Variants in AFF3 observed in about 807,000 individuals in gnomAD.
The protein encoded by AFF3 is ALF transcription elongation factor 3.
A neutral mutation model predicts 129.7 loss-of-function variants in AFF3; 32 were observed. The observed-to-expected ratio is 0.25, with a 90% CI of 0.19 to 0.33. The LOEUF (loss-of-function observed/expected upper bound fraction) is 0.33. AFF3 is among the 10% of genes least tolerant of loss of function. The probability of loss-of-function intolerance (pLI) is 1.00; values close to 1 mark genes in which losing one functional copy is unlikely to be tolerated. For missense variants in AFF3, 1,373 were observed against 1,592.0 expected, an observed-to-expected ratio of 0.86 and a Z score of 2.34; for synonymous variants, 644 against 635.4, an observed-to-expected ratio of 1.01 and a Z score of -0.20.
intron 8 of AFF3, among the ~76,000 whole-genome samples, chr2:99,797,875 A>G (rs1364097115): frequency 6.6e-6 from 1 of 152,182 alleles, no homozygotes; most frequent in Non-Finnish European, 1.5e-5. Context: ...GGAAAAGTTC[A>G]TAACCAGCAG....
intron 11 of AFF3, among the ~76,000 whole-genome samples, chr2:99,677,579 GC>G (rs1253222091): frequency 6.6e-6 from 1 of 152,162 alleles, no homozygotes; most frequent in African/African-American, 2.4e-5. Context: ...AGGGTTATGA[GC>G]CCCCAGCTGC....
chr2:99,584,330 T>G (rs954455096), intron 16 of AFF3, among the ~76,000 whole-genome samples: 2 of 152,038 alleles, frequency 1.3e-5, no homozygotes, highest in African/African-American at 4.8e-5. Context: ...TAGCCGGGTG[T>G]GGTGGCGCAT....
chr2:99,799,227 C>T (rs1294955807), intron 8 of AFF3, among the ~76,000 whole-genome samples: 1 of 151,752 alleles, frequency 6.6e-6, no homozygotes, highest in African/African-American at 2.4e-5. Flanking sequence ...AGATCTAAAT[C>T]TCTAATGGTA....
At position 100,091,170 on chromosome 2, in the gene AFF3, C is replaced by A. The variant is rs1288827200; in HGVS notation, c.53+13232G>T. Among the ~76,000 whole-genome samples, 5 of 151,856 alleles carry A rather than the reference C, an allele frequency of 3.3e-5. No homozygotes were observed. In the East Asian group the frequency reaches 9.8e-4, roughly 30 times the overall value. The stretch of plus-strand genomic sequence containing the variant: ...GGACCTTGGGCAAGTTACCTTGTGC[C>A]TTTGTTTCCTTCTCTATAAAATGGG... On this transcript the variant is annotated intron_variant, in intron 4 of 24. Coordinates refer to ENST00000672756, the MANE Select transcript of AFF3 (RefSeq NM_001386135.1).
At chr2:99,907,721 C>A (rs1694815118) in intron 7 of AFF3, among the ~76,000 whole-genome samples, 1 of 152,052 alleles carries the variant, frequency 6.6e-6, no homozygotes, top group Admixed American at 6.5e-5. Context: ...TTACTGCAAC[C>A]TCCGCCTCCC....
At chr2:100,000,702 A>G (rs903203762) in intron 7 of AFF3, among the ~76,000 whole-genome samples, 1 of 152,192 alleles carries the variant, frequency 6.6e-6, no homozygotes, top group African/African-American at 2.4e-5. Context: ...CGCTGCTGCA[A>G]TAACTCTGCC....
At chr2:99,939,634 T>C (rs1182995838) in intron 7 of AFF3, among the ~76,000 whole-genome samples, 2 of 152,226 alleles carry the variant, frequency 1.3e-5, no homozygotes, top group Non-Finnish European at 2.9e-5. Flanking sequence ...AGAAAGGCTA[T>C]GATATACTGA....
intron 8 of AFF3, among the ~76,000 whole-genome samples, chr2:99,756,857 G>T (rs185881705): frequency 6.6e-5 from 10 of 152,282 alleles, no homozygotes; most frequent in Admixed American, 6.5e-4. Context: ...ATGTGTGTGT[G>T]TAAGCTTAAG....
At chr2:99,881,767 G>A (rs1473666891) in intron 7 of AFF3, among the ~76,000 whole-genome samples, 3 of 152,194 alleles carry the variant, frequency 2.0e-5, no homozygotes, top group Non-Finnish European at 4.4e-5. Context: ...TTACTGAACT[G>A]AATGCATTAA....
chr2:99,608,949 T>G (rs1206705821), intron 13 of AFF3, among the ~76,000 whole-genome samples: 2 of 152,182 alleles, frequency 1.3e-5, no homozygotes, highest in Non-Finnish European at 2.9e-5. Context: ...CATTATTACA[T>G]GTTTTGAGAT....
chr2:100,127,992 C>G (rs1692270743), intron 2 of AFF3, among the ~76,000 whole-genome samples: 1 of 152,146 alleles, frequency 6.6e-6, no homozygotes, highest in Admixed American at 6.5e-5. Context: ...TAAATCCCAC[C>G]AAAACCAAGA....
chr2:99,714,792 T>C (rs1678225884), intron 11 of AFF3, among the ~76,000 whole-genome samples: 1 of 152,234 alleles, frequency 6.6e-6, no homozygotes, highest in South Asian at 2.1e-4. Context: ...CAATTGTTCC[T>C]CTGTATTTTT....
chr2:99,766,948 G>A (rs796629939), intron 8 of AFF3, among the ~76,000 whole-genome samples: 13 of 152,302 alleles, frequency 8.5e-5, no homozygotes, highest in African/African-American at 2.9e-4. Context: ...ACTCAAGGGC[G>A]AATAGGCAAT....
In AFF3 at chr2:100,024,604, G is replaced by A. The variant is rs190480794; in HGVS notation, c.54-15672C>T. 1.8e-3 allele frequency among the ~76,000 whole-genome samples: 278 copies of A among 151,592 alleles called. 4 individuals carry two copies. The highest frequency in any genetic ancestry group is 7.2e-3 in the East Asian group (37 of 5,168). On this transcript the variant is annotated intron_variant, in intron 4 of 24. Coordinates refer to ENST00000672756, the MANE Select transcript of AFF3 (RefSeq NM_001386135.1). ...GCCTGGGCAACAAGAGTGAAACTCCGTCTCAAAAATAATAATAATTATTAT... is the reference window on the plus strand; with the variant it reads ...GCCTGGGCAACAAGAGTGAAACTCCATCTCAAAAATAATAATAATTATTAT...
At chr2:99,848,957 A>G (rs1449300312) in intron 7 of AFF3, among the ~76,000 whole-genome samples, 1 of 152,194 alleles carries the variant, frequency 6.6e-6, no homozygotes, top group African/African-American at 2.4e-5. Flanking sequence ...TAAATGATAC[A>G]GACTACTTAA....
In AFF3 at chr2:99,655,509, G is replaced by A. The variant is rs189780144; in HGVS notation, c.1144-5843C>T. The stretch of plus-strand genomic sequence containing the variant: ...AGGCCAGGAGCTGGCCTAGATCCTG[G>A]CTCAGCTGAAGAACTACAAGATGTC... On this transcript the variant is annotated intron_variant, in intron 12 of 24. Transcript: ENST00000672756. 3.1e-3 allele frequency among the ~76,000 whole-genome samples: 466 copies of A among 152,270 alleles called. 3 individuals are homozygous for A. The highest frequency in any genetic ancestry group is 0.011 in the African/African-American group (452 of 41,550).
At chr2:99,738,001 A>G (rs781230786) in intron 10 of AFF3, among the ~76,000 whole-genome samples, 2 of 151,934 alleles carry the variant, frequency 1.3e-5, no homozygotes, top group Non-Finnish European at 2.9e-5. Flanking sequence ...CACTCCTCCA[A>G]GTTTTCTTGC....
chr2:100,068,354 G>A (rs1465392434), intron 4 of AFF3, among the ~76,000 whole-genome samples: 1 of 152,170 alleles, frequency 6.6e-6, no homozygotes. Context: ...CTGCCACTGG[G>A]AGAAACAGCC....
In AFF3 at chr2:99,546,264, A is replaced by T. The variant is rs1414385702; in HGVS notation, c.*5210T>A. On this transcript the variant is annotated 3_prime_UTR_variant, in exon 25 of 25. Coordinates refer to ENST00000672756, the MANE Select transcript of AFF3 (RefSeq NM_001386135.1). The stretch of plus-strand genomic sequence containing the variant: ...CTTGAAAGACTGCTGGGTGTTTCTT[A>T]GCACAAACCACCTCTGAAAGAGTAT... 4.3e-6 allele frequency: 1 copy of T among 232,656 alleles called. No individual in the cohort carries two copies. Among genetic ancestry groups the T allele is most frequent in the East Asian group, 6.0e-5 (1 of 16,538 alleles). 14.4% of individuals were successfully genotyped at this position (232,656 alleles called of 1,614,324 possible). A position where few individuals can be genotyped will look rare whatever the true frequency, so the allele number is the denominator to read the frequency against.
Sources: gnomAD v4.1 joint callset for allele counts (sites outside exome capture counted in the v4.1 genomes callset) on GRCh38, gnomAD v4.1.1 for gene constraint, MANE v1.5 for transcripts, NCBI Gene and HGNC (gene_info 2026-07-23, HGNC 2026-07-21) for gene names.